Variants in PRELID2 observed in about 807,000 individuals in gnomAD.
PRELID2 encodes PRELI domain containing 2, also known as PRELI domain-containing protein 2.
A neutral mutation model predicts 28.4 loss-of-function variants in PRELID2; 25 were observed. The observed-to-expected ratio is 0.88, with a 90% CI of 0.64 to 1.23. PRELID2 has a LOEUF of 1.23. Among genes scored for constraint, PRELID2 ranks in the 50% most tolerant of loss-of-function variants. The probability of loss-of-function intolerance (pLI) is 0.00; values close to 1 mark genes in which losing one functional copy is unlikely to be tolerated. For synonymous variants in PRELID2, 76 were observed against 71.6 expected, an observed-to-expected ratio of 1.06 and a Z score of -0.31; for missense variants, 201 against 214.4, an observed-to-expected ratio of 0.94 and a Z score of 0.39.
intron 1 of PRELID2, among the ~76,000 whole-genome samples, chr5:145,596,966 G>A (rs1753315891): frequency 6.6e-6 from 1 of 152,090 alleles, no homozygotes; most frequent in African/African-American, 2.4e-5. Flanking sequence ...AGTCCATTGA[G>A]AAGATGAATG....
At chr5:145,690,207 G>A (rs1008928773) in intron 1 of PRELID2, among the ~76,000 whole-genome samples, 18 of 151,918 alleles carry the variant, frequency 1.2e-4, no homozygotes, top group African/African-American at 4.1e-4. Context: ...GCCCCCGGCC[G>A]GTCTTGAACT....
chr5:145,599,335 G>T (rs1753354800), intron 1 of PRELID2, among the ~76,000 whole-genome samples: 1 of 152,172 alleles, frequency 6.6e-6, no homozygotes, highest in Non-Finnish European at 1.5e-5. Context: ...GGTTAAATCA[G>T]CAGAAAGAAT....
At chr5:145,567,575 A>G (rs746243186) in intron 1 of PRELID2, among the ~76,000 whole-genome samples, 4 of 152,032 alleles carry the variant, frequency 2.6e-5, no homozygotes, top group Admixed American at 6.6e-5. Flanking sequence ...ATGGGGTTTC[A>G]CCATTTTGGC....
At chr5:145,480,113 T>C (rs1432928814) in intron 1 of PRELID2, among the ~76,000 whole-genome samples, 1 of 152,234 alleles carries the variant, frequency 6.6e-6, no homozygotes, top group Non-Finnish European at 1.5e-5. Flanking sequence ...AATTCCTAAG[T>C]TGCTCAATTT....
At chr5:145,372,564 C>G in the PRELID2 span, among the ~76,000 whole-genome samples, 1 of 151,878 alleles carries the variant, frequency 6.6e-6, no homozygotes, top group Non-Finnish European at 1.5e-5. Flanking sequence ...GAATAATTAG[C>G]TCTTCTTGGT....
At chr5:145,481,628 A>C (rs1435566852) in intron 1 of PRELID2, among the ~76,000 whole-genome samples, 7 of 36,926 alleles carry the variant, frequency 1.9e-4, no homozygotes, top group African/African-American at 4.9e-4. Flanking sequence ...GAAATCAAAA[A>C]AAAAAAAAAA....
intron 1 of PRELID2, among the ~76,000 whole-genome samples, chr5:145,488,736 T>C (rs1464638980): frequency 6.6e-6 from 1 of 152,210 alleles, no homozygotes; most frequent in Non-Finnish European, 1.5e-5. Context: ...GAATAAATAC[T>C]AGGTAGTAAT....
At chr5:145,237,217 G>T in the PRELID2 span, among the ~76,000 whole-genome samples, 1 of 152,148 alleles carries the variant, frequency 6.6e-6, no homozygotes, top group Non-Finnish European at 1.5e-5. Flanking sequence ...AACACATAAT[G>T]TAAGCCAGAA....
At chr5:145,566,620 A>G (rs1473508461) in intron 1 of PRELID2, among the ~76,000 whole-genome samples, 7 of 152,180 alleles carry the variant, frequency 4.6e-5, no homozygotes, top group African/African-American at 1.7e-4. Flanking sequence ...CAGGCAGATC[A>G]CTTGATGTCA....
At position 145,696,368 on chromosome 5, in the gene PRELID2, A is replaced by T. The variant is rs1755263033; in HGVS notation, n.70+68563T>A. On this transcript the variant is annotated intron_variant and non_coding_transcript_variant, in intron 1 of 2. Transcript: ENST00000510259. ...TCAGGAATTATGGTCCCTTCCAAGC[A>T]CATATACCTCAGAGACACCTTTCAT... Among the ~76,000 whole-genome samples the T allele has an allele frequency of 2.0e-5, 3 of 152,060 alleles. No individual in the cohort carries two copies. The South Asian group carries it at 6.2e-4, about 31-fold the overall frequency.
At chr5:145,355,783 A>G in the PRELID2 span, among the ~76,000 whole-genome samples, 2 of 152,178 alleles carry the variant, frequency 1.3e-5, no homozygotes, top group Non-Finnish European at 2.9e-5. Context: ...CTAACCTCTT[A>G]GAATCTCATC....
chr5:145,804,882 G>T (rs1328619219), intron 4 of PRELID2, among the ~76,000 whole-genome samples: 2 of 152,154 alleles, frequency 1.3e-5, no homozygotes, highest in African/African-American at 2.4e-5. Flanking sequence ...GTGGAGGCTT[G>T]TCTTGGGATA....
chr5:145,714,851 T>G (rs370860974), intron 1 of PRELID2, among the ~76,000 whole-genome samples: 3 of 152,216 alleles, frequency 2.0e-5, no homozygotes, highest in East Asian at 3.9e-4. Context: ...TCTTTCTACT[T>G]CATTATCTTC....
the PRELID2 span, among the ~76,000 whole-genome samples, chr5:145,408,813 A>G: frequency 6.6e-6 from 1 of 152,190 alleles, no homozygotes; most frequent in Non-Finnish European, 1.5e-5. Flanking sequence ...AAATTGAGGA[A>G]AACCTTCCTG....
the PRELID2 span, among the ~76,000 whole-genome samples, chr5:145,394,051 T>C: frequency 4.6e-5 from 7 of 152,114 alleles, no homozygotes; most frequent in Admixed American, 3.9e-4. Flanking sequence ...GAACTAGAAA[T>C]ACCATTTGAC....
chr5:145,411,980 G>T, the PRELID2 span, among the ~76,000 whole-genome samples: 1 of 152,174 alleles, frequency 6.6e-6, no homozygotes, highest in Non-Finnish European at 1.5e-5. Context: ...GGAGCAGCTG[G>T]GATGCAGGGT....
At chr5:145,682,058 AG>A (rs1325575491) in intron 1 of PRELID2, among the ~76,000 whole-genome samples, 3 of 152,100 alleles carry the variant, frequency 2.0e-5, no homozygotes, top group Non-Finnish European at 4.4e-5. Flanking sequence ...CATAACTTGG[AG>A]AAAAAAAAAA....
the PRELID2 span, among the ~76,000 whole-genome samples, chr5:145,446,798 G>A: frequency 1.3e-5 from 2 of 152,108 alleles, no homozygotes; most frequent in Admixed American, 6.6e-5. Context: ...TGTAATATCA[G>A]CACTTTGGGA....
chr5:145,418,510 A>T, the PRELID2 span, among the ~76,000 whole-genome samples: 1 of 152,168 alleles, frequency 6.6e-6, no homozygotes, highest in Non-Finnish European at 1.5e-5. Context: ...ACAGTAACCA[A>T]AACAGCATGG....
Sources: allele counts gnomAD v4.1 joint callset (sites outside exome capture counted in the v4.1 genomes callset), GRCh38; gene constraint gnomAD v4.1.1; transcripts MANE v1.5; gene names NCBI Gene and HGNC (gene_info 2026-07-23, HGNC 2026-07-21).